ZP1: variants seen among roughly 807,000 people sequenced by gnomAD.
The protein encoded by ZP1 is zona pellucida glycoprotein 1, also known as zona pellucida sperm-binding protein 1.
ZP1 carries 58 observed loss-of-function variants against 67.4 expected under a neutral mutation model. The ratio of observed to expected loss-of-function variants is 0.86; its 90% CI spans 0.70 to 1.07. The LOEUF is 1.07. Ranked by LOEUF, ZP1 falls within the 50% of genes least tolerant of loss-of-function variation. The pLI, the probability that ZP1 is intolerant of heterozygous loss-of-function variation, is 0.00. For missense variants in ZP1, 759 were observed against 807.3 expected, an observed-to-expected ratio of 0.94 and a Z score of 0.72; for synonymous variants, 333 against 332.7, an observed-to-expected ratio of 1.00 and a Z score of -0.01.
At chr11:60,872,507 G>A (rs1233530259) in intron 6 of ZP1, among the ~76,000 whole-genome samples, 2 of 152,202 alleles carry the variant, frequency 1.3e-5, no homozygotes, top group Non-Finnish European at 2.9e-5. Flanking sequence ...ACCAGAGTGT[G>A]GAGGAGTGGC....
intron 9 of ZP1, 140 bp downstream of exon 9, chr11:60,873,915 G>A: frequency 8.4e-7 from 1 of 1,193,754 alleles, no homozygotes; most frequent in African/African-American, 1.5e-5. Context: ...GTCATGGAAA[G>A]CAGCGGGCTT....
intron 4 of ZP1, chr11:60,870,710 T>C: frequency 1.5e-6 from 1 of 673,342 alleles, no homozygotes; most frequent in South Asian, 2.1e-5. Flanking sequence ...GACTTTCAGA[T>C]CTGAAACGCC....
chr11:60,873,053 G>C (rs556245867), intron 6 of ZP1, 109 bp from the exon 7 acceptor site: 1 of 1,290,146 alleles, frequency 7.8e-7, no homozygotes, highest in African/African-American at 1.5e-5. Context: ...CTGCCCTGCT[G>C]GACAGTACCC....
chr11:60,870,552 G>A (rs2134828590), intron 4 of ZP1, 77 bp downstream of exon 4: 1 of 1,514,374 alleles, frequency 6.6e-7, no homozygotes, highest in South Asian at 1.4e-5. Context: ...TCCAGCTGGT[G>A]GAAACTGCTT....
rs765384107 is a variant in ZP1 at position 60,869,588 on chromosome 11, C to T, written c.370C>T (p.Arg124Cys). The T allele has an allele frequency of 1.4e-5, 22 of 1,613,682 alleles. No individual in the cohort carries two copies. Among genetic ancestry groups the T allele is most frequent in the South Asian group, 2.2e-5 (2 of 91,040 alleles). Residue 124 changes from arginine to cysteine, a missense_variant, in exon 3 of 12, where the codon CGT becomes TGT. By Grantham distance (180) the Arg-to-Cys change is radical (BLOSUM62 -3). Coordinates refer to ENST00000278853, the MANE Select transcript of ZP1 (RefSeq NM_207341.4). ...VFMEAVLPNG[R>C]VDVAQDATLI... is the part of the protein sequence containing the mutation. Reference sequence around the variant, plus strand: ...CATGGAGGCTGTGCTGCCCAATGGTCGTGTGGATGTGGCACAAGACGCTAC... The same window carrying T: ...CATGGAGGCTGTGCTGCCCAATGGTTGTGTGGATGTGGCACAAGACGCTAC...
chr11:60,873,852 CCT>C, intron 9 of ZP1, 77 bp downstream of exon 9: 3 of 1,579,462 alleles, frequency 1.9e-6, no homozygotes, highest in Non-Finnish European at 2.6e-6. Flanking sequence ...CCTCTGGCAC[CCT>C]GTGAACTTAT....
rs1259914633 is a variant in ZP1 at position 60,869,701 on chromosome 11, C to G, written c.483C>G (p.Thr161=). Residue 161 remains threonine, a synonymous_variant, in exon 3 of 12, where the codon ACC becomes ACG. Transcript: ENST00000278853. ...PAMFSVSTPQ[T]LSFLPTSGHT... The stretch of plus-strand genomic sequence containing the variant: ...TGTTCTCTGTCTCAACCCCACAAAC[C>G]CTTTCCTTCCTCCCCACCTCTGGCC... 6 of 1,614,090 alleles carry G rather than the reference C, an allele frequency of 3.7e-6. No homozygotes were observed. Among genetic ancestry groups the G allele is most frequent in the Non-Finnish European group, 5.1e-6 (6 of 1,179,990 alleles).
At chr11:60,870,642 C>A in intron 4 of ZP1, 167 bp downstream of exon 4, 1 of 880,296 alleles carries the variant, frequency 1.1e-6, no homozygotes. Context: ...CATGTCCCAG[C>A]TGGCCTTATA....
intron 2 of ZP1, 69 bp from the exon 3 acceptor site, chr11:60,869,468 G>C: frequency 6.5e-7 from 1 of 1,541,958 alleles, no homozygotes; most frequent in Non-Finnish European, 8.7e-7. Flanking sequence ...AGCTCTCGTG[G>C]GCCCGTCCCC....
chr11:60,867,859 C>A, intron 1 of ZP1, 102 bp downstream of exon 1: 1 of 1,362,402 alleles, frequency 7.3e-7, no homozygotes, highest in Non-Finnish European at 1.0e-6. Flanking sequence ...AGAGGCCTCC[C>A]TCCAGCCTGG....
chr11:60,874,549 G>T (rs1855660583), intron 9 of ZP1, among the ~76,000 whole-genome samples: 1 of 152,212 alleles, frequency 6.6e-6, no homozygotes, highest in Admixed American at 6.5e-5. Context: ...GGAATTTGCT[G>T]TCTCCCTCAG....
intron 9 of ZP1, 69 bp from the exon 10 acceptor site, chr11:60,874,864 T>C: frequency 6.7e-7 from 1 of 1,502,316 alleles, no homozygotes; most frequent in Admixed American, 1.7e-5. Flanking sequence ...GGATTCCATG[T>C]CCTTCCCTTT....
chr11:60,875,474 G>A (rs372436415), intron 11 of ZP1, 40 bp from the exon 12 acceptor site: 1 of 1,608,894 alleles, frequency 6.2e-7, no homozygotes. Context: ...GAGGGTTGGA[G>A]GGGCCTCACC....
At position 60,871,033 on chromosome 11, in the gene ZP1, A is replaced by G; in HGVS notation, c.903A>G (p.Thr301=). 6.2e-7 allele frequency: 1 copy of G among 1,614,222 alleles called. No individual in the cohort carries two copies. Among genetic ancestry groups the G allele is most frequent in the Non-Finnish European group, 8.5e-7 (1 of 1,180,036 alleles). ...AAATGGCCTTGACACACAGGATCAC[A>G]CTGGCCAACATCCACCTGGCCTATG... ...SQEMALTHRI[T]LANIHLAYAP... The change falls in exon 5 of 12, where the codon ACA becomes ACG. Residue 301 remains threonine, a synonymous_variant. Transcript: ENST00000278853.
chr11:60,875,075 T>C, intron 10 of ZP1, 54 bp from the exon 11 acceptor site: 2 of 1,613,488 alleles, frequency 1.2e-6, no homozygotes, highest in Non-Finnish European at 1.7e-6. Flanking sequence ...GTGCCTGGCC[T>C]CTGGGCCACA....
rs866421656 is a variant in ZP1, at chr11:60,875,153, G to A, written c.1679G>A (p.Arg560His). ...TTRQRRSSGH[R>H]NDTARPQDIV... is the part of the protein sequence containing the mutation. ...GGACAGCGACGATCCTCAGGTCACC[G>A]TAATGACACTGCCAGGCCCCAGGAC... The change falls in exon 11 of 12, where the codon CGT (arginine) becomes CAT (histidine). Residue 560 changes from arginine (R) to histidine (H), a missense_variant. By Grantham distance (29) the Arg-to-His change is conservative (BLOSUM62 0). Transcript: ENST00000278853. 16 of 1,613,790 alleles carry A rather than the reference G, an allele frequency of 9.9e-6. No individual in the cohort carries two copies. The highest frequency in any genetic ancestry group is 2.2e-5 in the South Asian group (2 of 91,096).
At position 60,869,864 on chromosome 11, in the gene ZP1, T is replaced by C. The variant is rs750081113; in HGVS notation, c.646T>C (p.Leu216=). The C allele has an allele frequency of 5.7e-6, 9 of 1,584,998 alleles. No individual in the cohort carries two copies. In the South Asian group the frequency reaches 7.0e-5, roughly 12 times the overall value. ...ATLAQPHWGT[L]EHWDVNKRDY... ...CCTGGCTCAACCCCACTGGGGCACCTTGGAACACTGGGATGTGAACAAACG... is the reference window on the plus strand; with the variant it reads ...CCTGGCTCAACCCCACTGGGGCACCCTGGAACACTGGGATGTGAACAAACG... Residue 216 remains leucine (L), a synonymous_variant, in exon 3 of 12, where the codon TTG becomes CTG. Transcript: ENST00000278853.
In ZP1 at chr11:60,871,200, G is replaced by T; in HGVS notation, c.1015-17G>T. The T allele has an allele frequency of 6.2e-7, 1 of 1,614,058 alleles. No individual in the cohort carries two copies. Among genetic ancestry groups the T allele is most frequent in the Non-Finnish European group, 8.5e-7 (1 of 1,180,042 alleles). ...GTCCCCCACCAGAAAGCCTCACCCA[G>T]CTGTCTCTTCCTACAGGTGGCTGGC... On this transcript the variant is annotated splice_polypyrimidine_tract_variant and intron_variant, in intron 5 of 11. Coordinates refer to ENST00000278853, the MANE Select transcript of ZP1 (RefSeq NM_207341.4).
At position 60,869,272 on chromosome 11, in the gene ZP1, G is replaced by T. The variant is rs1442805080; in HGVS notation, c.318+6G>T. The T allele has an allele frequency of 1.9e-6, 3 of 1,614,152 alleles. No homozygotes were observed. Among genetic ancestry groups the T allele is most frequent in the South Asian group, 2.2e-5 (2 of 91,072 alleles). ...GCTGCCACGTGCTGGAGAAGGTAGG[G>T]GTTGTTCATGCTCTGGCACAGGGGC... On this transcript the variant is annotated splice_donor_region_variant and intron_variant, in intron 2 of 11. Coordinates refer to ENST00000278853, the MANE Select transcript of ZP1 (RefSeq NM_207341.4).
Sources: gnomAD v4.1 joint callset for allele counts (sites outside exome capture counted in the v4.1 genomes callset) on GRCh38, gnomAD v4.1.1 for gene constraint, MANE v1.5 for transcripts, NCBI Gene and HGNC (gene_info 2026-07-23, HGNC 2026-07-21) for gene names.